CORO1C: variants seen among roughly 807,000 people sequenced by gnomAD.
CORO1C encodes the protein coronin 1C, also known as coronin-1C.
In CORO1C, 14 loss-of-function variants were observed where a neutral mutation model predicts 51.2. That is an observed-to-expected ratio of 0.27 (90% CI 0.18 to 0.43). The LOEUF (loss-of-function observed/expected upper bound fraction) is 0.43, where lower values mean the gene tolerates loss of function less well. Among genes scored for constraint, CORO1C ranks in the 20% least tolerant of loss-of-function variants. The pLI is 1.00. For missense variants in CORO1C, 417 were observed against 607.8 expected, an observed-to-expected ratio of 0.69 and a Z score of 3.30; for synonymous variants, 181 against 210.5, an observed-to-expected ratio of 0.86 and a Z score of 1.21.
intron 6 of CORO1C, among the ~76,000 whole-genome samples, chr12:108,654,953 A>G (rs2032870196): frequency 6.6e-6 from 1 of 152,074 alleles, no homozygotes; most frequent in African/African-American, 2.4e-5. Flanking sequence ...TGATCCAGCC[A>G]CCTCAGCCTC....
In CORO1C at chr12:108,647,444, T is replaced by TA; in HGVS notation, c.1383dup (p.Ile462TyrfsTer40). 6.2e-7 allele frequency: 1 copy of TA among 1,613,624 alleles called. No individual in the cohort carries two copies. Among genetic ancestry groups the TA allele is most frequent in the Non-Finnish European group, 8.5e-7 (1 of 1,179,560 alleles). The stretch of plus-strand genomic sequence containing the variant: ...GCCATCTGCTGTTCTAACTTGGAAA[T>TA]ACGCTCATCTTGATTGCAGATTGTG... On this transcript the variant is annotated frameshift_variant, in exon 11 of 11. Transcript: ENST00000261401. LOFTEE classifies it high-confidence loss of function.
At chr12:108,676,111 G>A (rs2033900172) in intron 3 of CORO1C, among the ~76,000 whole-genome samples, 1 of 152,192 alleles carries the variant, frequency 6.6e-6, no homozygotes, top group Non-Finnish European at 1.5e-5. Context: ...GAGTCTAGAG[G>A]TATACACCTG....
intron 3 of CORO1C, 53 bp from the exon 4 acceptor site, chr12:108,662,211 T>A: frequency 6.5e-7 from 1 of 1,532,822 alleles, no homozygotes; most frequent in Non-Finnish European, 9.0e-7. Context: ...CCTTTCATTA[T>A]CACATTTACA....
At chr12:108,656,912 G>A (rs992816202) in intron 6 of CORO1C, among the ~76,000 whole-genome samples, 3 of 152,238 alleles carry the variant, frequency 2.0e-5, no homozygotes, top group South Asian at 2.1e-4. Flanking sequence ...CAAACACTGC[G>A]GAAGGCCGCA....
intron 1 of CORO1C, among the ~76,000 whole-genome samples, chr12:108,722,422 T>G (rs1051812983): frequency 6.6e-6 from 1 of 152,184 alleles, no homozygotes; most frequent in Non-Finnish European, 1.5e-5. Flanking sequence ...TGCAGTGGCA[T>G]GAGACCCCTG....
At chr12:108,649,875 A>G (rs973921757) in intron 8 of CORO1C, among the ~76,000 whole-genome samples, 6 of 152,218 alleles carry the variant, frequency 3.9e-5, no homozygotes, top group African/African-American at 1.2e-4. Flanking sequence ...GTGGGCGTCA[A>G]TGCTGCTGGG....
intron 2 of CORO1C, among the ~76,000 whole-genome samples, chr12:108,694,350 G>C (rs796433176): frequency 5.4e-5 from 8 of 147,940 alleles, no homozygotes; most frequent in African/African-American, 2.0e-4. Context: ...ACTAAGGAAT[G>C]AATATGTGAA....
chr12:108,679,109 C>CAAAAAAAAAAAAAAAAAAA (rs1183326267), intron 2 of CORO1C, among the ~76,000 whole-genome samples: 3 of 22,136 alleles, frequency 1.4e-4, no homozygotes, highest in East Asian at 1.4e-3. Context: ...GACTCTGTCT[C>CAAAAAAAAAAAAAAAAAAA]AAAAAAAAAA....
intron 1 of CORO1C, among the ~76,000 whole-genome samples, chr12:108,715,574 C>G (rs2035306221): frequency 6.6e-6 from 1 of 152,002 alleles, no homozygotes; most frequent in African/African-American, 2.4e-5. Flanking sequence ...TTTGAAAAAG[C>G]ATTGCTGAAG....
chr12:108,661,770 TG>T (rs2033272698), intron 4 of CORO1C, among the ~76,000 whole-genome samples: 1 of 152,134 alleles, frequency 6.6e-6, no homozygotes, highest in Non-Finnish European at 1.5e-5. Context: ...GCAGGAACCA[TG>T]AAACCTGCTG....
At chr12:108,662,306 C>T in intron 3 of CORO1C, 148 bp from the exon 4 acceptor site, 3 of 715,534 alleles carry the variant, frequency 4.2e-6, no homozygotes, top group Non-Finnish European at 6.8e-6. Context: ...GTGAAATGAC[C>T]GTGTTAGGCG....
chr12:108,711,553 G>A (rs940791170), intron 1 of CORO1C, among the ~76,000 whole-genome samples: 4 of 151,908 alleles, frequency 2.6e-5, no homozygotes, highest in African/African-American at 7.3e-5. Context: ...GGTGGTACAT[G>A]CCTGTAATCC....
At chr12:108,682,066 G>A (rs1003141294) in intron 2 of CORO1C, among the ~76,000 whole-genome samples, 1 of 151,640 alleles carries the variant, frequency 6.6e-6, no homozygotes, top group Non-Finnish European at 1.5e-5. Flanking sequence ...GGGGGTGGAG[G>A]TGTACTACAA....
intron 4 of CORO1C, among the ~76,000 whole-genome samples, chr12:108,661,821 G>A (rs914222854): frequency 3.3e-5 from 5 of 152,106 alleles, no homozygotes; most frequent in Non-Finnish European, 5.9e-5. Context: ...TCAGGTTGTC[G>A]AAATGGCCTT....
At chr12:108,724,399 G>C (rs1012312830) in intron 1 of CORO1C, among the ~76,000 whole-genome samples, 1 of 152,142 alleles carries the variant, frequency 6.6e-6, no homozygotes, top group Admixed American at 6.5e-5. Flanking sequence ...ACCACACAAA[G>C]GAAGGGGCAG....
chr12:108,703,013 A>G (rs1002467634), intron 1 of CORO1C: 31 of 1,386,662 alleles, frequency 2.2e-5, no homozygotes, highest in Non-Finnish European at 2.9e-5. Flanking sequence ...TTTGGAATCA[A>G]TATGAATACT....
At chr12:108,671,087 C>G (rs2033699365) in intron 3 of CORO1C, among the ~76,000 whole-genome samples, 2 of 151,832 alleles carry the variant, frequency 1.3e-5, no homozygotes, top group Non-Finnish European at 2.9e-5. Flanking sequence ...AATCCCAACA[C>G]TTTGGAAGGC....
In CORO1C at chr12:108,647,270, T is replaced by C. The variant is rs2032401462; in HGVS notation, c.*133A>G. ...TTACTGGAATGTGGCCTATCGCTGG[T>C]TGACAAATCTGAAATGGAATGTCTC... On this transcript the variant is annotated 3_prime_UTR_variant, in exon 11 of 11. Transcript: ENST00000261401. The C allele has an allele frequency of 6.2e-6, 5 of 801,536 alleles. No homozygotes were observed. Among genetic ancestry groups the C allele is most frequent in the Middle Eastern group, 2.7e-4 (1 of 3,646 alleles). The allele number at this position is 801,536 out of a possible 1,614,324, so 49.7% of individuals were successfully genotyped here. A position where few individuals can be genotyped will look rare whatever the true frequency, so the allele number is the denominator to read the frequency against.
At chr12:108,669,990 G>C (rs527375399) in intron 3 of CORO1C, among the ~76,000 whole-genome samples, 1 of 152,226 alleles carries the variant, frequency 6.6e-6, no homozygotes, top group South Asian at 2.1e-4. Flanking sequence ...TTTACAAAAT[G>C]TGCACTCCAG....
Sources: allele counts gnomAD v4.1 joint callset (sites outside exome capture counted in the v4.1 genomes callset), GRCh38; gene constraint gnomAD v4.1.1; transcripts MANE v1.5; gene names NCBI Gene and HGNC (gene_info 2026-07-23, HGNC 2026-07-21).